The following NPY2R variants were observed in gnomAD, a reference collection of about 807,000 sequenced individuals.
NPY2R encodes the protein neuropeptide Y receptor Y2.
NPY2R carries 17 observed loss-of-function variants against 22.3 expected under a neutral mutation model. That is an observed-to-expected ratio of 0.76 (90% CI 0.52 to 1.14). The LOEUF is 1.14. Among genes scored for constraint, NPY2R ranks in the 50% most tolerant of loss-of-function variants. The probability of loss-of-function intolerance (pLI) is 0.00; values close to 1 mark genes in which losing one functional copy is unlikely to be tolerated. For missense variants in NPY2R, 424 were observed against 467.9 expected (o/e 0.91, Z 0.87); for synonymous variants, 209 against 183.4 (o/e 1.14, Z -1.13).
chr4:155,198,427 A>G, the NPY2R span, among the ~76,000 whole-genome samples: 6 of 148,114 alleles, frequency 4.1e-5, no homozygotes, highest in African/African-American at 1.5e-4. Flanking sequence ...TATAAAATAT[A>G]TATATCTTTA....
the NPY2R span, among the ~76,000 whole-genome samples, chr4:155,188,233 A>G: frequency 6.6e-6 from 1 of 152,122 alleles, no homozygotes; most frequent in African/African-American, 2.4e-5. Flanking sequence ...AAAGCTTGAT[A>G]ATCAGGCTCT....
At chr4:155,178,416 C>G in the NPY2R span, among the ~76,000 whole-genome samples, 15 of 152,122 alleles carry the variant, frequency 9.9e-5, no homozygotes, top group African/African-American at 3.1e-4. Flanking sequence ...TACTGCTTAG[C>G]ATGTGCACTA....
chr4:155,179,635 C>A, the NPY2R span, among the ~76,000 whole-genome samples: 1 of 152,330 alleles, frequency 6.6e-6, no homozygotes, highest in South Asian at 2.1e-4. Flanking sequence ...TCATCTCTGG[C>A]AACTGCTGTT....
the NPY2R span, among the ~76,000 whole-genome samples, chr4:155,192,227 C>T: frequency 2.0e-5 from 3 of 151,848 alleles, no homozygotes; most frequent in Non-Finnish European, 4.4e-5. Context: ...TGCTTTGTTT[C>T]GTTAGCTGAC....
the NPY2R span, among the ~76,000 whole-genome samples, chr4:155,189,701 G>A: frequency 0.029 from 4,405 of 151,794 alleles, 218 homozygotes; most frequent in African/African-American, 0.1. Flanking sequence ...AGCCCTAGTT[G>A]CTTATAAAAT....
chr4:155,197,306 G>C, the NPY2R span, among the ~76,000 whole-genome samples: 1 of 151,896 alleles, frequency 6.6e-6, no homozygotes, highest in Non-Finnish European at 1.5e-5. Context: ...TAAATTATTT[G>C]TAGGTATCAT....
chr4:155,197,475 T>G, the NPY2R span, among the ~76,000 whole-genome samples: 8 of 151,932 alleles, frequency 5.3e-5, no homozygotes, highest in Non-Finnish European at 7.4e-5. Flanking sequence ...CTTCTTACTT[T>G]CTTCCCTTCT....
At chr4:155,210,626 A>G (rs1021657971) in intron 1 of NPY2R, among the ~76,000 whole-genome samples, 3 of 152,180 alleles carry the variant, frequency 2.0e-5, no homozygotes, top group Non-Finnish European at 2.9e-5. Context: ...GATTTGTTTC[A>G]GATTTCTCTA....
chr4:155,174,482 A>AT, the NPY2R span, among the ~76,000 whole-genome samples: 642 of 104,434 alleles, frequency 6.1e-3, 4 homozygotes, highest in Admixed American at 0.016. Context: ...ATATATATAT[A>AT]TATTTTTTTT....
chr4:155,174,484 A>ATATATATATATATATTTTTT, the NPY2R span, among the ~76,000 whole-genome samples: 21 of 106,070 alleles, frequency 2.0e-4, no homozygotes, highest in African/African-American at 9.0e-4. Flanking sequence ...ATATATATAT[A>ATATATATATATATATTTTTT]TTTTTTTTTT....
the NPY2R span, among the ~76,000 whole-genome samples, chr4:155,202,746 A>G: frequency 7.2e-5 from 11 of 152,016 alleles, no homozygotes; most frequent in Non-Finnish European, 1.2e-4. Flanking sequence ...TTTTACTTGT[A>G]CTCTTTTTAA....
chr4:155,174,495 T>TTTTTTA, the NPY2R span, among the ~76,000 whole-genome samples: 4 of 145,596 alleles, frequency 2.7e-5, no homozygotes, highest in Non-Finnish European at 4.5e-5. Context: ...TTTTTTTTTT[T>TTTTTTA]AAATCTCTAC....
the NPY2R span, among the ~76,000 whole-genome samples, chr4:155,198,994 T>G: frequency 6.6e-6 from 1 of 151,974 alleles, no homozygotes; most frequent in Non-Finnish European, 1.5e-5. Context: ...ACCATTCAGT[T>G]TAAGTAAACC....
intron 1 of NPY2R, among the ~76,000 whole-genome samples, chr4:155,209,435 G>A (rs1172724804): frequency 6.6e-6 from 1 of 152,194 alleles, no homozygotes; most frequent in Non-Finnish European, 1.5e-5. Context: ...ATTCATTTAA[G>A]CGTTTGCTCA....
the NPY2R span, among the ~76,000 whole-genome samples, chr4:155,183,400 C>T: frequency 6.6e-6 from 1 of 152,054 alleles, no homozygotes; most frequent in South Asian, 2.1e-4. Context: ...CTGGTTCCAA[C>T]CAGAAATGAA....
At chr4:155,182,187 C>A in the NPY2R span, among the ~76,000 whole-genome samples, 1 of 152,140 alleles carries the variant, frequency 6.6e-6, no homozygotes, top group African/African-American at 2.4e-5. Context: ...AACCACATTG[C>A]TCCATCCTAC....
At chr4:155,198,614 T>TAATATATTATATATAA in the NPY2R span, among the ~76,000 whole-genome samples, 1 of 147,580 alleles carries the variant, frequency 6.8e-6, no homozygotes, top group Admixed American at 6.8e-5. Flanking sequence ...TTGATATATA[T>TAATATATTATATATAA]TTTTTTTCTG....
chr4:155,182,289 G>GTA, the NPY2R span, among the ~76,000 whole-genome samples: 1 of 152,082 alleles, frequency 6.6e-6, no homozygotes, highest in African/African-American at 2.4e-5. Context: ...GGTCTTAGCT[G>GTA]TATATATATT....
At chr4:155,177,772 T>C in the NPY2R span, among the ~76,000 whole-genome samples, 36 of 152,198 alleles carry the variant, frequency 2.4e-4, no homozygotes, top group African/African-American at 8.7e-4. Flanking sequence ...TAGCACCACA[T>C]GTATGCCATC....
Sources: gnomAD v4.1 joint callset for allele counts (sites outside exome capture counted in the v4.1 genomes callset) on GRCh38, gnomAD v4.1.1 for gene constraint, MANE v1.5 for transcripts, NCBI Gene and HGNC (gene_info 2026-07-23, HGNC 2026-07-21) for gene names.